The following DMD variants were observed in gnomAD, a reference collection of about 807,000 sequenced individuals.
The protein encoded by DMD is dystrophin, also known as mutant dystrophin.
In DMD, 63 loss-of-function variants were observed where a neutral mutation model predicts 330.1. The observed-to-expected ratio is 0.19, with a 90% CI of 0.16 to 0.24. The LOEUF (loss-of-function observed/expected upper bound fraction) is 0.24. Among genes scored for constraint, DMD ranks in the 10% least tolerant of loss-of-function variants. The pLI is 1.00. For synonymous variants in DMD, 1,223 were observed against 959.8 expected (o/e 1.27, Z -5.07); for missense variants, 3,344 against 2,684.1 (o/e 1.25, Z -5.43).
intron 1 of DMD, among the ~76,000 whole-genome samples, chrX:33,047,749 G>A (rs1239566979): frequency 9.0e-6 from 1 of 111,520 alleles, no homozygotes; most frequent in African/African-American, 3.3e-5. Context: ...CTTAGCCAAT[G>A]CAAAACTGCT....
chrX:33,093,700 G>T (rs780350578), intron 1 of DMD, among the ~76,000 whole-genome samples: 3 of 111,456 alleles, frequency 2.7e-5, no homozygotes, highest in Non-Finnish European at 5.6e-5. Context: ...ATTGTAACAT[G>T]TTTTGATTGA....
At chrX:32,751,851 A>G (rs1414303213) in intron 7 of DMD, among the ~76,000 whole-genome samples, 2 of 112,770 alleles carry the variant, frequency 1.8e-5, no homozygotes, top group African/African-American at 3.2e-5. Flanking sequence ...TGTGACTAAA[A>G]GGGGCCGAGG....
At position 31,478,130 on chromosome X, in the gene DMD, G is replaced by A. The variant is rs780354925; in HGVS notation, c.8913C>T (p.Leu2971=). 2 of 1,208,732 alleles carry A rather than the reference G, an allele frequency of 1.7e-6. No individual in the cohort carries two copies. Among genetic ancestry groups the A allele is most frequent in the African/African-American group, 3.5e-5 (2 of 57,015 alleles). The part of the protein sequence containing the change: ...QPVGDLLIDS[L]QDHLEKVKAL... ...CCTTGACTTTCTCGAGGTGATCTTG[G>A]AGAGAGTCAATGAGGAGATCGCCCA... Residue 2971 remains leucine (L), a synonymous_variant, in exon 59 of 79, where the codon CTC becomes CTT. Transcript: ENST00000357033.
chrX:31,255,442 G>T (rs892774403), intron 63 of DMD, among the ~76,000 whole-genome samples: 1 of 111,117 alleles, frequency 9.0e-6, no homozygotes, highest in African/African-American at 3.3e-5. Flanking sequence ...GAGTGACGAA[G>T]AATGTACCCT....
chrX:32,954,140 C>A (rs1453667536), intron 2 of DMD, among the ~76,000 whole-genome samples: 1 of 112,152 alleles, frequency 8.9e-6, no homozygotes, highest in Non-Finnish European at 1.9e-5. Context: ...CAATGTTTAT[C>A]GAATTTAAGA....
chrX:31,772,586 T>C (rs1026738159), intron 51 of DMD, among the ~76,000 whole-genome samples: 2 of 111,539 alleles, frequency 1.8e-5, no homozygotes, highest in Non-Finnish European at 3.8e-5. Context: ...GCAGTTACAG[T>C]TATTACCGCA....
intron 7 of DMD, among the ~76,000 whole-genome samples, chrX:32,771,768 C>A (rs2073632880): frequency 9.0e-6 from 1 of 111,624 alleles, no homozygotes; most frequent in African/African-American, 3.3e-5. Context: ...ACACAGTAAT[C>A]CAAGTGACAT....
At chrX:33,249,371 G>A (rs1004378545) in intron 1 of DMD, among the ~76,000 whole-genome samples, 7 of 111,207 alleles carry the variant, frequency 6.3e-5, no homozygotes, top group Non-Finnish European at 1.1e-4. Context: ...GGCTGGTCTC[G>A]AACTCCTGAC....
At chrX:33,273,112 G>T (rs1335470628) in intron 1 of DMD, among the ~76,000 whole-genome samples, 1 of 111,444 alleles carries the variant, frequency 9.0e-6, no homozygotes, top group Non-Finnish European at 1.9e-5. Flanking sequence ...GCAATAAAGG[G>T]TGTCACTGTG....
chrX:31,456,836 A>ATATGTGTGTG (rs1439070482), intron 59 of DMD, among the ~76,000 whole-genome samples: 1 of 83,265 alleles, frequency 1.2e-5, no homozygotes, highest in African/African-American at 4.7e-5. Context: ...GCCCACATAT[A>ATATGTGTGTG]TGTGTGTGTG....
chrX:32,841,265 G>A (rs940261690), intron 4 of DMD, among the ~76,000 whole-genome samples: 2 of 111,033 alleles, frequency 1.8e-5, no homozygotes, highest in Non-Finnish European at 3.8e-5. Context: ...AAAAACAGAA[G>A]ACTGGGATAC....
At chrX:31,278,193 G>A (rs920208975) in intron 62 of DMD, among the ~76,000 whole-genome samples, 1 of 110,906 alleles carries the variant, frequency 9.0e-6, no homozygotes, top group Non-Finnish European at 1.9e-5. Context: ...ATAGTGGATT[G>A]GCAAAAAAGA....
rs185492163 is a variant in DMD at position 31,333,224 on chromosome X, A to G, written c.9164-9566T>C. Among the ~76,000 whole-genome samples, 19 of 111,352 alleles carry G rather than the reference A, an allele frequency of 1.7e-4. No individual in the cohort carries two copies. The East Asian group carries it at 5.3e-3, about 31-fold the overall frequency. On this transcript the variant is annotated intron_variant, in intron 61 of 78. Transcript: ENST00000357033. Reference sequence around the variant, plus strand: ...AAATAAATAGCTAAATATTTTTAGAAATAAATAAAACATTCTTGTTTAATT... The same window carrying G: ...AAATAAATAGCTAAATATTTTTAGAGATAAATAAAACATTCTTGTTTAATT...
At chrX:32,729,752 G>GTACT (rs200059132) in intron 7 of DMD, among the ~76,000 whole-genome samples, 1 of 110,048 alleles carries the variant, frequency 9.1e-6, no homozygotes, top group East Asian at 2.9e-4. Context: ...ACATGTTCTG[G>GTACT]TTCTTTAATA....
chrX:31,990,865 A>C (rs923046092), intron 44 of DMD, among the ~76,000 whole-genome samples: 16 of 112,298 alleles, frequency 1.4e-4, no homozygotes, highest in South Asian at 7.3e-4. Context: ...AAGCATATAA[A>C]AAGTCAAATA....
intron 2 of DMD, among the ~76,000 whole-genome samples, chrX:32,934,609 TG>T (rs2089849570): frequency 8.9e-6 from 1 of 111,946 alleles, no homozygotes; most frequent in Non-Finnish European, 1.9e-5. Context: ...GATTTCCCTT[TG>T]TGTAATGTGA....
intron 4 of DMD, among the ~76,000 whole-genome samples, chrX:32,838,981 T>C (rs1236031353): frequency 8.9e-6 from 1 of 112,170 alleles, no homozygotes; most frequent in Non-Finnish European, 1.9e-5. Context: ...CACACATCTG[T>C]TCATTGTGGC....
chrX:31,449,765 T>TAG (rs2065563015), intron 59 of DMD, among the ~76,000 whole-genome samples: 1 of 29,137 alleles, frequency 3.4e-5, no homozygotes, highest in African/African-American at 9.8e-5. Context: ...AATGGTGTGA[T>TAG]ATATATATAT....
chrX:31,624,553 T>TA (rs1161845817), intron 55 of DMD, among the ~76,000 whole-genome samples: 1 of 112,153 alleles, frequency 8.9e-6, no homozygotes, highest in African/African-American at 3.2e-5. Context: ...TTGACAGTCT[T>TA]AGAGAAAAAC....
Sources: gnomAD v4.1 joint callset for allele counts (sites outside exome capture counted in the v4.1 genomes callset) on GRCh38, gnomAD v4.1.1 for gene constraint, MANE v1.5 for transcripts, NCBI Gene and HGNC (gene_info 2026-07-23, HGNC 2026-07-21) for gene names.